The following IQSEC3 variants were observed in gnomAD, a reference collection of about 807,000 sequenced individuals.
The protein encoded by IQSEC3 is IQ motif and SEC7 domain-containing protein 3.
A neutral mutation model predicts 105.4 loss-of-function variants in IQSEC3; 50 were observed. That is an observed-to-expected ratio of 0.47 (90% CI 0.38 to 0.60). The LOEUF (loss-of-function observed/expected upper bound fraction) is 0.60. Ranked by LOEUF, IQSEC3 falls within the 20% of genes least tolerant of loss-of-function variation. The pLI, the probability that IQSEC3 is intolerant of heterozygous loss-of-function variation, is 0.00. For missense variants in IQSEC3, 1,415 were observed against 1,630.0 expected (o/e 0.87, Z 2.27); for synonymous variants, 708 against 746.0 (o/e 0.95, Z 0.83).
At chr12:149,699 C>T (rs1555092089) in intron 5 of IQSEC3, among the ~76,000 whole-genome samples, 1 of 152,132 alleles carries the variant, frequency 6.6e-6, no homozygotes, top group African/African-American at 2.4e-5. Context: ...CAATGGTCGA[C>T]AGAAGGTGGG....
intron 2 of IQSEC3, among the ~76,000 whole-genome samples, chr12:109,592 A>ACT (rs1864808701): frequency 6.8e-6 from 1 of 147,700 alleles, no homozygotes; most frequent in Non-Finnish European, 1.5e-5. Context: ...CTGATCCTAA[A>ACT]CTCTCCTCCA....
chr12:136,293 C>A (rs1293814774), intron 3 of IQSEC3, among the ~76,000 whole-genome samples: 1 of 152,194 alleles, frequency 6.6e-6, no homozygotes, highest in African/African-American at 2.4e-5. Context: ...GCTGGAAGCA[C>A]TGGAGGCAAG....
intron 1 of IQSEC3, among the ~76,000 whole-genome samples, chr12:73,535 T>C (rs1863407589): frequency 5.3e-5 from 8 of 152,274 alleles, no homozygotes; most frequent in African/African-American, 1.9e-4. Context: ...TAGCCAGGGA[T>C]GGTGGTCCAT....
At chr12:99,288 A>C (rs1383335000) in intron 2 of IQSEC3, 74 bp downstream of exon 2, 117 of 1,364,048 alleles carry the variant, frequency 8.6e-5, no homozygotes, top group Non-Finnish European at 6.3e-5. Flanking sequence ...GTACCACTGC[A>C]CTAGCTATTG....
intron 5 of IQSEC3, chr12:143,642 G>A (rs560991914): frequency 7.3e-4 from 124 of 169,122 alleles, no homozygotes; most frequent in Admixed American, 1.7e-3. Flanking sequence ...GGGTGCCAGC[G>A]TTCATGCAGG....
intron 2 of IQSEC3, among the ~76,000 whole-genome samples, chr12:107,599 A>G (rs1555078325): frequency 6.6e-6 from 1 of 150,644 alleles, no homozygotes; most frequent in African/African-American, 2.4e-5. Flanking sequence ...TTTAGTAGAG[A>G]CGGGGTTTCA....
At chr12:123,640 A>G (rs1213620457) in intron 2 of IQSEC3, among the ~76,000 whole-genome samples, 7 of 152,032 alleles carry the variant, frequency 4.6e-5, no homozygotes, top group Admixed American at 4.6e-4. Context: ...AGATTGAGAG[A>G]AGGGAGATTC....
chr12:162,031 C>G lies in IQSEC3; in HGVS notation c.2549C>G (p.Thr850Ser). 6.2e-7 allele frequency: 1 copy of G among 1,613,826 alleles called. No individual in the cohort carries two copies. The highest frequency in any genetic ancestry group is 8.5e-7 in the Non-Finnish European group (1 of 1,179,982). ...KSNEDHVTYVTKVEKSIVGMK... is the reference protein window; with the variant it reads ...KSNEDHVTYVSKVEKSIVGMK... The stretch of plus-strand genomic sequence containing the variant: ...AATGAGGACCACGTCACGTACGTCA[C>G]CAAGGTGGAGAAGTCCATTGTGGGC... Residue 850 changes from threonine to serine, a missense_variant, in exon 8 of 14, where the codon ACC (threonine) becomes AGC (serine). Coordinates refer to ENST00000538872, the MANE Select transcript of IQSEC3 (RefSeq NM_001170738.2).
chr12:163,334 TCTCCTCCCTCCACA>T, intron 8 of IQSEC3, among the ~76,000 whole-genome samples, 146 bp from the exon 9 acceptor site: 1 of 108,826 alleles, frequency 9.2e-6, no homozygotes, highest in African/African-American at 3.8e-5. Flanking sequence ...ACCCCTCCCC[TCTCCTCCCTCCACA>T]GAACCGGACC....
At chr12:124,091 G>A (rs1229879202) in intron 2 of IQSEC3, among the ~76,000 whole-genome samples, 8 of 152,122 alleles carry the variant, frequency 5.3e-5, no homozygotes, top group African/African-American at 1.9e-4. Context: ...GGGGAAATAA[G>A]AGTTTATTTA....
At chr12:92,736 T>C (rs1864128590) in intron 1 of IQSEC3, among the ~76,000 whole-genome samples, 1 of 152,204 alleles carries the variant, frequency 6.6e-6, no homozygotes, top group African/African-American at 2.4e-5. Flanking sequence ...GAAATAGGGA[T>C]GCAGAGATGC....
chr12:110,189 C>G (rs1864832975), intron 2 of IQSEC3, among the ~76,000 whole-genome samples: 1 of 152,078 alleles, frequency 6.6e-6, no homozygotes, highest in Non-Finnish European at 1.5e-5. Context: ...TCCAGTTTCT[C>G]TTTTCTTTCT....
intron 2 of IQSEC3, among the ~76,000 whole-genome samples, chr12:102,106 C>T (rs1421145238): frequency 6.6e-6 from 1 of 151,070 alleles, no homozygotes; most frequent in Admixed American, 6.6e-5. Flanking sequence ...TGGCTCCTCC[C>T]CCATCAGTCT....
Position 67,068 on chromosome 12 carries a change from C to G in IQSEC3, c.186C>G (p.Ala62=). The part of the protein sequence containing the change: ...SLWEHQQLLQ[A]QPPPGLVPPS... ...GGGAGCACCAGCAGCTGCTGCAAGC[C>G]CAGCCTCCGCCCGGGCTCGTCCCCC... Residue 62 remains alanine, a synonymous_variant, in exon 1 of 14, where the codon GCC becomes GCG. Transcript: ENST00000538872. 6.5e-7 allele frequency: 1 copy of G among 1,530,014 alleles called. No individual in the cohort carries two copies. Among genetic ancestry groups the G allele is most frequent in the Middle Eastern group, 2.1e-4 (1 of 4,878 alleles). 94.8% of individuals were successfully genotyped at this position (1,530,014 alleles called of 1,614,324 possible).
At chr12:83,708 A>AGGGGGGGTGGG (rs1555071329) in intron 1 of IQSEC3, among the ~76,000 whole-genome samples, 1 of 58,796 alleles carries the variant, frequency 1.7e-5, no homozygotes, top group African/African-American at 6.9e-5. Context: ...CGGGCGGGGG[A>AGGGGGGGTGGG]GGAGGTGGGT....
chr12:117,575 C>T (rs1308018015), intron 2 of IQSEC3, among the ~76,000 whole-genome samples: 1 of 152,164 alleles, frequency 6.6e-6, no homozygotes, highest in Non-Finnish European at 1.5e-5. Context: ...CTGTGGCCCA[C>T]CTTGAGGGAG....
chr12:144,567 G>C (rs1229695796), intron 5 of IQSEC3: 1 of 152,246 alleles, frequency 6.6e-6, no homozygotes, highest in Non-Finnish European at 1.5e-5. Context: ...CCAACCGTCA[G>C]GCCTGTGCGG....
At position 178,383 on chromosome 12, in the gene IQSEC3, C is replaced by CA. The variant is rs1939302077; in HGVS notation, c.*3354dup. ...AATCCAAATGGCAAATATTTTGTAA[C>CA]AAAATAGCCCAGAGGTATTTTATCT... On this transcript the variant is annotated 3_prime_UTR_variant, in exon 14 of 14. Transcript: ENST00000538872. 6.6e-6 allele frequency: 1 copy of CA among 152,228 alleles called. No homozygotes were observed. Among genetic ancestry groups the CA allele is most frequent in the African/African-American group, 2.4e-5 (1 of 41,468 alleles). The allele number at this position is 152,228 out of a possible 1,614,324, so 9.4% of individuals were successfully genotyped here.
chr12:107,516 T>C (rs1555078263), intron 2 of IQSEC3, among the ~76,000 whole-genome samples: 1 of 149,536 alleles, frequency 6.7e-6, no homozygotes, highest in Non-Finnish European at 1.5e-5. Context: ...TTCACGCCAT[T>C]CTCCTGCCTC....
Sources: allele counts gnomAD v4.1 joint callset (sites outside exome capture counted in the v4.1 genomes callset), GRCh38; gene constraint gnomAD v4.1.1; transcripts MANE v1.5; gene names NCBI Gene and HGNC (gene_info 2026-07-23, HGNC 2026-07-21).